The following TMEM182 variants were observed in gnomAD, a reference collection of about 807,000 sequenced individuals.
The protein encoded by TMEM182 is transmembrane protein 182.
A neutral mutation model predicts 26.8 loss-of-function variants in TMEM182; 20 were observed. The ratio of observed to expected loss-of-function variants is 0.75; its 90% CI spans 0.53 to 1.09. The LOEUF is 1.09. Ranked by LOEUF, TMEM182 falls within the 50% of genes least tolerant of loss-of-function variation. The pLI is 0.00. For synonymous variants in TMEM182, 109 were observed against 102.2 expected (o/e 1.07, Z -0.40); for missense variants, 277 against 275.5 (o/e 1.01, Z -0.04).
At chr2:102,762,025 G>A, upstream of TMEM182, 1 of 498,826 alleles carries the variant, frequency 2.0e-6, no homozygotes, top group East Asian at 3.8e-5. Context: ...CGAGCAAAGG[G>A]AATATGAATC....
At chr2:102,745,521 C>T (rs1161117519) in intron 1 of TMEM182, among the ~76,000 whole-genome samples, 1 of 152,060 alleles carries the variant, frequency 6.6e-6, no homozygotes, top group Non-Finnish European at 1.5e-5. Flanking sequence ...CTACTTAACA[C>T]ATACAATTTA....
chr2:102,744,475 G>T (rs1161359673), intron 1 of TMEM182, among the ~76,000 whole-genome samples: 1 of 152,098 alleles, frequency 6.6e-6, no homozygotes, highest in East Asian at 1.9e-4. Context: ...AATTTATGCT[G>T]CCATCTTAAG....
chr2:102,818,770 C>G (rs202242897), downstream of TMEM182, among the ~76,000 whole-genome samples: 1 of 124,680 alleles, frequency 8.0e-6, no homozygotes, highest in Admixed American at 7.8e-5. Flanking sequence ...ATCTATCTAT[C>G]TATCTATCTA....
chr2:102,741,926 G>T (rs558574697), intron 1 of TMEM182, among the ~76,000 whole-genome samples: 5 of 152,250 alleles, frequency 3.3e-5, no homozygotes, highest in African/African-American at 1.2e-4. Context: ...CATACAAAAA[G>T]CCTGGTTACC....
At chr2:102,767,336 C>T (rs970656683) in intron 3 of TMEM182, among the ~76,000 whole-genome samples, 1 of 152,110 alleles carries the variant, frequency 6.6e-6, no homozygotes, top group African/African-American at 2.4e-5. Context: ...GTCTAATTCA[C>T]AGAATTGCTT....
chr2:102,743,306 G>T lies in TMEM182; in HGVS notation c.-83+6293G>T, dbSNP rs541998721. 9.2e-5 allele frequency among the ~76,000 whole-genome samples: 14 copies of T among 152,240 alleles called. No homozygotes were observed. The East Asian group carries it at 2.3e-3, about 25-fold the overall frequency. On this transcript the variant is annotated intron_variant, in intron 1 of 5. Coordinates refer to the TMEM182 transcript ENST00000409173. ...AAATATAATTTATATGGAAAGAAAA[G>T]AGAGAAAGTAAGATTATAAAATGCT... is the stretch of plus-strand genomic sequence containing the variant.
At chr2:102,757,689 C>T (rs1322139704), upstream of TMEM182, 2 of 152,194 alleles carry the variant, frequency 1.3e-5, no homozygotes, top group Admixed American at 6.5e-5. Flanking sequence ...GCCCTGATGA[C>T]TCAGTGTTTT....
intron 1 of TMEM182, among the ~76,000 whole-genome samples, chr2:102,748,498 A>G (rs910321526): frequency 6.6e-6 from 1 of 152,250 alleles, no homozygotes; most frequent in African/African-American, 2.4e-5. Context: ...ATTATCTGCA[A>G]TGTGGTGGGT....
intron 3 of TMEM182, among the ~76,000 whole-genome samples, chr2:102,770,101 A>C (rs1441043182): frequency 6.6e-6 from 1 of 152,214 alleles, no homozygotes; most frequent in East Asian, 1.9e-4. Flanking sequence ...ACAGTAAAAT[A>C]CCAATTATTC....
intron 4 of TMEM182, among the ~76,000 whole-genome samples, chr2:102,807,436 A>G (rs1014503559): frequency 3.9e-5 from 6 of 152,236 alleles, no homozygotes; most frequent in Non-Finnish European, 7.3e-5. Context: ...TCTGAAGCAT[A>G]ATTTTATGGG....
At chr2:102,754,881 A>G (rs1364621630) in intron 1 of TMEM182, among the ~76,000 whole-genome samples, 1 of 152,256 alleles carries the variant, frequency 6.6e-6, no homozygotes, top group Non-Finnish European at 1.5e-5. Flanking sequence ...AAGTAAAAAG[A>G]TACTGAATCA....
intron 3 of TMEM182, among the ~76,000 whole-genome samples, chr2:102,781,916 T>C (rs918710912): frequency 6.6e-6 from 1 of 152,178 alleles, no homozygotes; most frequent in South Asian, 2.1e-4. Context: ...AGTGAAATTA[T>C]CAACAATTAG....
At chr2:102,796,941 A>G (rs1419422183) in intron 3 of TMEM182, among the ~76,000 whole-genome samples, 1 of 152,230 alleles carries the variant, frequency 6.6e-6, no homozygotes, top group African/African-American at 2.4e-5. Context: ...AACTTGACTA[A>G]TATGTTTCAC....
chr2:102,743,114 G>T (rs966920149), intron 1 of TMEM182, among the ~76,000 whole-genome samples: 17 of 152,114 alleles, frequency 1.1e-4, no homozygotes, highest in African/African-American at 4.1e-4. Flanking sequence ...GAAAATAAAT[G>T]TAATGAATCA....
chr2:102,757,663 G>A (rs186910822), upstream of TMEM182: 6 of 152,322 alleles, frequency 3.9e-5, no homozygotes, highest in Admixed American at 1.3e-4. Context: ...CCTGAGACAT[G>A]ATGCTTATTC....
downstream of TMEM182, among the ~76,000 whole-genome samples, chr2:102,820,610 A>G (rs1682899449): frequency 6.6e-6 from 1 of 152,230 alleles, no homozygotes; most frequent in Admixed American, 6.5e-5. Flanking sequence ...TAACTGGGTA[A>G]AAAGTGGAAA....
At chr2:102,749,354 C>A (rs1679809567) in intron 1 of TMEM182, among the ~76,000 whole-genome samples, 1 of 152,050 alleles carries the variant, frequency 6.6e-6, no homozygotes, top group Admixed American at 6.6e-5. Context: ...TCTATATATT[C>A]CATTTAGATG....
chr2:102,840,371 A>C (rs1393858252), intron 3 of TMEM182, among the ~76,000 whole-genome samples: 1 of 152,194 alleles, frequency 6.6e-6, no homozygotes, highest in Non-Finnish European at 1.5e-5. Context: ...CCTGCAGCAC[A>C]TATTCCAGGA....
upstream of TMEM182, chr2:102,758,559 G>A (rs899400102): frequency 3.1e-5 from 22 of 704,066 alleles, no homozygotes; most frequent in South Asian, 1.8e-4. Flanking sequence ...CAGGAAACAT[G>A]CACCCTGCTA....
Sources: allele counts gnomAD v4.1 joint callset (sites outside exome capture counted in the v4.1 genomes callset), GRCh38; gene constraint gnomAD v4.1.1; transcripts MANE v1.5; gene names NCBI Gene and HGNC (gene_info 2026-07-23, HGNC 2026-07-21).